Variants in ZNF33A observed in about 807,000 individuals in gnomAD.
ZNF33A encodes brain my041 protein.
In ZNF33A, 9 loss-of-function variants were observed where a neutral mutation model predicts 15.9. The ratio of observed to expected loss-of-function variants is 0.57; its 90% CI spans 0.34 to 0.99. The LOEUF is 0.99. ZNF33A is among the 50% of genes least tolerant of loss of function. The pLI, the probability that ZNF33A is intolerant of heterozygous loss-of-function variation, is 0.02. For synonymous variants in ZNF33A, 294 were observed against 324.2 expected, an observed-to-expected ratio of 0.91 and a Z score of 1.00; for missense variants, 843 against 941.6, an observed-to-expected ratio of 0.90 and a Z score of 1.37.
rs1206111292 is a variant in ZNF33A, at chr10:38,058,397, C to T, written c.*1837C>T. 3.9e-5 allele frequency: 6 copies of T among 152,160 alleles called. No homozygotes were observed. The highest frequency in any genetic ancestry group is 2.6e-4 in the Admixed American group (4 of 15,274). 9.4% of individuals were successfully genotyped at this position (152,160 alleles called of 1,614,324 possible). A position where few individuals can be genotyped will look rare whatever the true frequency, so the allele number is the denominator to read the frequency against. The stretch of plus-strand genomic sequence containing the variant: ...TAAAATGGACCAATTCCTTGCAAGA[C>T]GCATTCTCTCAAAGCTCACACAAGA... On this transcript the variant is annotated 3_prime_UTR_variant, in exon 5 of 5. Coordinates refer to ENST00000432900, the MANE Select transcript of ZNF33A (RefSeq NM_006954.2).
intron 4 of ZNF33A, among the ~76,000 whole-genome samples, chr10:38,033,796 C>G (rs2065321955): frequency 6.6e-6 from 1 of 151,766 alleles, no homozygotes; most frequent in Admixed American, 6.6e-5. Flanking sequence ...TCACTGCAAC[C>G]TCTGTCTCCT....
rs2066612693 is a variant in ZNF33A, at chr10:38,059,460, TAAC to T, written c.*2903_*2905del. 6.6e-6 allele frequency: 1 copy of T among 152,174 alleles called. No homozygotes were observed. The highest frequency in any genetic ancestry group is 2.4e-5 in the African/African-American group (1 of 41,460). 9.4% of individuals were successfully genotyped at this position (152,174 alleles called of 1,614,324 possible). A position where few individuals can be genotyped will look rare whatever the true frequency, so the allele number is the denominator to read the frequency against. The stretch of plus-strand genomic sequence containing the variant: ...GATTGTCTTTGTAGAGAATTCTAAA[TAAC>T]AAAAACCCTGCTGACATTAATAAGC... On this transcript the variant is annotated 3_prime_UTR_variant, in exon 5 of 5. Coordinates refer to ENST00000432900, the MANE Select transcript of ZNF33A (RefSeq NM_006954.2).
chr10:38,060,070 T>C lies in ZNF33A; in HGVS notation c.*3510T>C. The C allele has an allele frequency of 1.0e-6, 1 of 985,420 alleles. No individual in the cohort carries two copies. Among genetic ancestry groups the C allele is most frequent in the Non-Finnish European group, 1.2e-6 (1 of 829,912 alleles). 61.0% of individuals were successfully genotyped at this position (985,420 alleles called of 1,614,324 possible). On this transcript the variant is annotated 3_prime_UTR_variant, in exon 5 of 5. Transcript: ENST00000432900. ...CAACCAACCAACCCTGAGGAACATC[T>C]TGTTTCTGTACTAAGGTGTTCTTTT...
chr10:38,035,785 C>G (rs1396639702), intron 4 of ZNF33A, among the ~76,000 whole-genome samples: 1 of 151,628 alleles, frequency 6.6e-6, no homozygotes, highest in African/African-American at 2.4e-5. Context: ...TCAAATGGAC[C>G]AATATCAGTT....
At chr10:38,039,843 A>G (rs981867700) in intron 4 of ZNF33A, among the ~76,000 whole-genome samples, 2 of 151,094 alleles carry the variant, frequency 1.3e-5, no homozygotes, top group African/African-American at 4.9e-5. Flanking sequence ...GGAATCAGCT[A>G]TTGTTTTTCT....
At chr10:38,062,321 T>G (rs534242429), downstream of ZNF33A, among the ~76,000 whole-genome samples, 1 of 152,316 alleles carries the variant, frequency 6.6e-6, no homozygotes, top group South Asian at 2.1e-4. Context: ...GGTGGTTTGT[T>G]ATAGTCCATG....
In ZNF33A at chr10:38,056,079, T is replaced by C. The variant is rs745450125; in HGVS notation, c.1955T>C (p.Leu652Pro). The change falls in exon 5 of 5, where the codon CTA becomes CCA. Residue 652 changes from leucine to proline, a missense_variant. Transcript: ENST00000432900. ...AAAGCTTTCTGCCATAAGTCAGCTC[T>C]AATTGTACATCAGAGAACCCATACA... ...CGKAFCHKSA[L>P]IVHQRTHTQE... 1.1e-5 allele frequency: 18 copies of C among 1,614,134 alleles called. No individual in the cohort carries two copies. Among genetic ancestry groups the C allele is most frequent in the Non-Finnish European group, 1.5e-5 (18 of 1,180,012 alleles).
At chr10:38,062,129 T>C (rs2066661726), downstream of ZNF33A, among the ~76,000 whole-genome samples, 1 of 152,088 alleles carries the variant, frequency 6.6e-6, no homozygotes. Context: ...GCCCCTCCCC[T>C]TTCTGACATG....
chr10:38,012,078 A>G (rs571976791), intron 1 of ZNF33A, among the ~76,000 whole-genome samples: 1 of 152,322 alleles, frequency 6.6e-6, no homozygotes, highest in South Asian at 2.1e-4. Context: ...CAAGAGCTAC[A>G]TAATTATGTT....
intron 4 of ZNF33A, chr10:38,017,633 C>T (rs1465757360): frequency 1.5e-5 from 4 of 269,058 alleles, no homozygotes; most frequent in Non-Finnish European, 2.8e-5. Flanking sequence ...CAGTCTTTGC[C>T]CACCTCAACT....
chr10:38,020,633 T>G lies in ZNF33A; in HGVS notation c.250+3247T>G, dbSNP rs1368397800. ...GCAAAATTTAACATTCTGCTTCCAT[T>G]TCCGTCTAGGTTGTTGCATATGACA... On this transcript the variant is annotated intron_variant, in intron 4 of 4. Transcript: ENST00000432900. Among the ~76,000 whole-genome samples, 3 of 152,198 alleles carry G rather than the reference T, an allele frequency of 2.0e-5. No individual in the cohort carries two copies. The East Asian group carries it at 5.8e-4, about 29-fold the overall frequency.
intron 3 of ZNF33A, 72 bp downstream of exon 3, chr10:38,017,087 CTG>C: frequency 6.5e-7 from 1 of 1,550,222 alleles, no homozygotes; most frequent in East Asian, 2.3e-5. Context: ...TATGGGCAGT[CTG>C]TATAGTTTAA....
intron 4 of ZNF33A, among the ~76,000 whole-genome samples, chr10:38,031,090 T>G (rs1030310508): frequency 6.6e-6 from 1 of 152,192 alleles, no homozygotes; most frequent in Non-Finnish European, 1.5e-5. Flanking sequence ...GCAAAATTTA[T>G]AGAACTAAAT....
Position 38,056,452 on chromosome 10 carries a change from T to A in ZNF33A, c.2328T>A (p.Leu776=), listed in dbSNP as rs759292913. The stretch of plus-strand genomic sequence containing the variant: ...AGAGAAGACATATAGGAGAAAACCT[T>A]ATGAATGAAATGGATATTAGAAATT... ...VHQRRHIGEN[L]MNEMDIRNFQ... The change falls in exon 5 of 5, where the codon CTT becomes CTA. Residue 776 remains leucine, a synonymous_variant. Transcript: ENST00000432900. 2.5e-6 allele frequency: 4 copies of A among 1,613,928 alleles called. No individual in the cohort carries two copies. The highest frequency in any genetic ancestry group is 3.4e-6 in the Non-Finnish European group (4 of 1,179,896).
intron 4 of ZNF33A, among the ~76,000 whole-genome samples, chr10:38,044,296 C>T (rs1167057993): frequency 2.6e-5 from 4 of 151,624 alleles, no homozygotes; most frequent in Non-Finnish European, 5.9e-5. Context: ...CAACCTCTGC[C>T]TCCCGGGTTC....
chr10:38,016,873 A>G lies in ZNF33A; in HGVS notation c.12A>G (p.Val4=), dbSNP rs2064472370. The change falls in exon 3 of 5, where the codon GTA becomes GTG. Residue 4 remains valine, a splice_region_variant and synonymous_variant. Coordinates refer to ENST00000432900, the MANE Select transcript of ZNF33A (RefSeq NM_006954.2). MNK[V]EQKSQESVSF... is the part of the protein sequence containing the mutation. ...CCACCTAATTCTGAATGTTTCAGGTAGAACAGAAGTCCCAGGAGTCAGTAT... is the reference window on the plus strand; with the variant it reads ...CCACCTAATTCTGAATGTTTCAGGTGGAACAGAAGTCCCAGGAGTCAGTAT... The G allele has an allele frequency of 1.2e-6, 2 of 1,613,488 alleles. No homozygotes were observed. Among genetic ancestry groups the G allele is most frequent in the Non-Finnish European group, 1.7e-6 (2 of 1,179,902 alleles).
intron 4 of ZNF33A, among the ~76,000 whole-genome samples, chr10:38,043,531 C>T (rs1013895591): frequency 6.6e-6 from 1 of 151,548 alleles, no homozygotes; most frequent in African/African-American, 2.4e-5. Flanking sequence ...AGCTGTGTGA[C>T]CCCAGGTCAA....
intron 4 of ZNF33A, among the ~76,000 whole-genome samples, chr10:38,041,391 T>G (rs184523309): frequency 2.7e-4 from 41 of 152,198 alleles, no homozygotes; most frequent in Non-Finnish European, 4.6e-4. Flanking sequence ...TGAAAATTTA[T>G]TTACCTAGTG....
chr10:38,020,289 AC>A (rs1375754158), intron 4 of ZNF33A, among the ~76,000 whole-genome samples: 2 of 152,192 alleles, frequency 1.3e-5, no homozygotes, highest in Non-Finnish European at 2.9e-5. Context: ...ATGTTTTGAT[AC>A]AGGCATGCAA....
Sources: gnomAD v4.1 joint callset for allele counts (sites outside exome capture counted in the v4.1 genomes callset) on GRCh38, gnomAD v4.1.1 for gene constraint, MANE v1.5 for transcripts, NCBI Gene and HGNC (gene_info 2026-07-23, HGNC 2026-07-21) for gene names.